EDIL3: variants seen among roughly 807,000 people sequenced by gnomAD.
EDIL3 encodes the protein EGF-like repeat and discoidin I-like domain-containing protein 3.
A neutral mutation model predicts 67.4 loss-of-function variants in EDIL3; 37 were observed. The observed-to-expected ratio is 0.55, with a 90% CI of 0.42 to 0.72. The LOEUF (loss-of-function observed/expected upper bound fraction) is 0.72, where lower values mean the gene tolerates loss of function less well. Among genes scored for constraint, EDIL3 ranks in the 30% least tolerant of loss-of-function variants. EDIL3 has a pLI of 0.00. For missense variants in EDIL3, 527 were observed against 586.3 expected (o/e 0.90, Z 1.04); for synonymous variants, 195 against 196.3 (o/e 0.99, Z 0.05).
At chr5:83,946,297 G>T (rs1427215307) in intron 10 of EDIL3, among the ~76,000 whole-genome samples, 2 of 151,812 alleles carry the variant, frequency 1.3e-5, no homozygotes, top group Admixed American at 1.3e-4. Flanking sequence ...CAGGAAGGAG[G>T]CTAATTGGCT....
At chr5:84,306,781 T>TA (rs1165736430) in intron 1 of EDIL3, among the ~76,000 whole-genome samples, 5 of 152,336 alleles carry the variant, frequency 3.3e-5, no homozygotes, top group Non-Finnish European at 7.4e-5. Context: ...AGCTGTATCT[T>TA]ACGGAAAGTC....
intron 9 of EDIL3, among the ~76,000 whole-genome samples, chr5:84,034,483 A>G (rs904909295): frequency 3.3e-5 from 5 of 152,178 alleles, no homozygotes; most frequent in South Asian, 2.1e-4. Context: ...CATGAAAATA[A>G]TCACTATATC....
chr5:84,088,153 G>GA (rs1047228579), intron 6 of EDIL3, among the ~76,000 whole-genome samples: 5 of 152,172 alleles, frequency 3.3e-5, no homozygotes, highest in Non-Finnish European at 5.9e-5. Flanking sequence ...CATGGGCAGA[G>GA]AAAACTTATA....
Position 83,943,336 on chromosome 5 carries a change from G to T in EDIL3, c.*83C>A. On this transcript the variant is annotated 3_prime_UTR_variant, in exon 11 of 11. Coordinates refer to ENST00000296591, the MANE Select transcript of EDIL3 (RefSeq NM_005711.5). ...ATGAAAAAAAAAAAAAAACCATTCAGTTTCCTACAGATTTTGCACAGTTCA... is the reference window on the plus strand; with the variant it reads ...ATGAAAAAAAAAAAAAAACCATTCATTTTCCTACAGATTTTGCACAGTTCA... The T allele has an allele frequency of 2.0e-6, 3 of 1,483,258 alleles. No individual in the cohort carries two copies. The highest frequency in any genetic ancestry group is 2.4e-5 in the East Asian group (1 of 41,850). 91.9% of individuals were successfully genotyped at this position (1,483,258 alleles called of 1,614,324 possible). A position where few individuals can be genotyped will look rare whatever the true frequency, so the allele number is the denominator to read the frequency against.
intron 5 of EDIL3, among the ~76,000 whole-genome samples, chr5:84,136,283 C>T (rs1401661941): frequency 6.6e-6 from 1 of 152,168 alleles, no homozygotes; most frequent in Admixed American, 6.5e-5. Flanking sequence ...TCTGCATCTA[C>T]ATTTGGAATT....
intron 3 of EDIL3, among the ~76,000 whole-genome samples, chr5:84,196,564 C>T (rs1041493068): frequency 2.0e-5 from 3 of 151,956 alleles, no homozygotes; most frequent in Non-Finnish European, 4.4e-5. Context: ...TTGTCCCTCT[C>T]CCCTGTTAGA....
chr5:84,116,188 G>T, intron 5 of EDIL3, among the ~76,000 whole-genome samples: 1 of 64,562 alleles, frequency 1.5e-5, no homozygotes, highest in Non-Finnish European at 3.2e-5. Context: ...GTGTTCCAGA[G>T]GTCAAAAAAA....
intron 9 of EDIL3, among the ~76,000 whole-genome samples, chr5:84,014,459 AT>A (rs1241479952): frequency 6.6e-6 from 1 of 152,194 alleles, no homozygotes; most frequent in African/African-American, 2.4e-5. Context: ...AGCCAGGCCA[AT>A]GTGGTGAAAC....
chr5:84,378,671 T>C (rs1412966666), intron 1 of EDIL3, among the ~76,000 whole-genome samples: 1 of 152,176 alleles, frequency 6.6e-6, no homozygotes, highest in East Asian at 1.9e-4. Flanking sequence ...GGTTCTCAGC[T>C]ATGTGGTATG....
At chr5:84,332,754 C>A (rs1746900310) in intron 1 of EDIL3, among the ~76,000 whole-genome samples, 1 of 152,044 alleles carries the variant, frequency 6.6e-6, no homozygotes, top group Non-Finnish European at 1.5e-5. Flanking sequence ...AAATCAGTGT[C>A]TTATATTTAA....
chr5:84,373,757 G>T (rs1388067285), intron 1 of EDIL3, among the ~76,000 whole-genome samples: 1 of 151,978 alleles, frequency 6.6e-6, no homozygotes, highest in Non-Finnish European at 1.5e-5. Flanking sequence ...CCAAGAGTAG[G>T]GTCAGTAGGA....
intron 9 of EDIL3, among the ~76,000 whole-genome samples, chr5:84,010,308 C>A (rs2301073): frequency 1.3e-5 from 2 of 151,888 alleles, no homozygotes; most frequent in Admixed American, 1.3e-4. Context: ...AATTTGAGAA[C>A]TTTATAACCA....
rs1182544525 is a variant in EDIL3, at chr5:84,286,117, A to G, written c.68-31905T>C. 2.6e-5 allele frequency among the ~76,000 whole-genome samples: 4 copies of G among 152,204 alleles called. No homozygotes were observed. In the East Asian group the frequency reaches 7.7e-4, roughly 29 times the overall value. On this transcript the variant is annotated intron_variant, in intron 1 of 10. Transcript: ENST00000296591. The stretch of plus-strand genomic sequence containing the variant: ...ACAGTGAACTCTGTAGTCAGGCTGC[A>G]TAAATATTCCTGAGCTTTGGCTTTC...
chr5:84,180,249 T>G lies in EDIL3; in HGVS notation c.355+144A>C, dbSNP rs1027148336. On this transcript the variant is annotated intron_variant, in intron 4 of 10. Coordinates refer to ENST00000296591, the MANE Select transcript of EDIL3 (RefSeq NM_005711.5). Reference sequence around the variant, plus strand: ...GTCCTCCACTGTGGACATGGTGTATTCCATGGGAGAGAAGCAGCATTAGCC... The same window carrying G: ...GTCCTCCACTGTGGACATGGTGTATGCCATGGGAGAGAAGCAGCATTAGCC... 4 of 855,852 alleles carry G rather than the reference T, an allele frequency of 4.7e-6. No homozygotes were observed. In the South Asian group the frequency reaches 9.7e-5, roughly 21 times the overall value. 53.0% of individuals were successfully genotyped at this position (855,852 alleles called of 1,614,324 possible).
At chr5:84,109,714 C>CA (rs1472264437) in intron 5 of EDIL3, among the ~76,000 whole-genome samples, 1 of 152,032 alleles carries the variant, frequency 6.6e-6, no homozygotes, top group Non-Finnish European at 1.5e-5. Context: ...AAATACCCCC[C>CA]AAAAACCAAT....
At chr5:84,231,124 A>C (rs1022835804) in intron 2 of EDIL3, among the ~76,000 whole-genome samples, 1 of 152,184 alleles carries the variant, frequency 6.6e-6, no homozygotes, top group African/African-American at 2.4e-5. Context: ...TATCAATGTA[A>C]GATAACATTA....
In EDIL3 at chr5:84,233,352, G is replaced by T. The variant is rs558118704; in HGVS notation, c.197-3468C>A. 4.6e-5 allele frequency among the ~76,000 whole-genome samples: 7 copies of T among 152,164 alleles called. No individual in the cohort carries two copies. The South Asian group carries it at 1.5e-3, about 32-fold the overall frequency. ...TATAAGTTCTGTAGATAATCGCCACGAACACTAAATATTGAGAATTCTGAC... is the reference window on the plus strand; with the variant it reads ...TATAAGTTCTGTAGATAATCGCCACTAACACTAAATATTGAGAATTCTGAC... On this transcript the variant is annotated intron_variant, in intron 2 of 10. Transcript: ENST00000296591.
chr5:84,065,610 T>TGA (rs1395680653), intron 7 of EDIL3, among the ~76,000 whole-genome samples: 1 of 151,038 alleles, frequency 6.6e-6, no homozygotes, highest in African/African-American at 2.4e-5. Context: ...AAATTTTCGA[T>TGA]GAAGAACTAA....
chr5:84,167,296 A>T (rs1748724119), intron 4 of EDIL3, among the ~76,000 whole-genome samples: 2 of 152,004 alleles, frequency 1.3e-5, no homozygotes, highest in African/African-American at 4.8e-5. Context: ...TCTTCTAAGG[A>T]GTTTGATTGG....
Sources: gnomAD v4.1 joint callset for allele counts (sites outside exome capture counted in the v4.1 genomes callset) on GRCh38, gnomAD v4.1.1 for gene constraint, MANE v1.5 for transcripts, NCBI Gene and HGNC (gene_info 2026-07-23, HGNC 2026-07-21) for gene names.